Variants in POU3F3 observed in about 807,000 individuals in gnomAD.
POU3F3 encodes POU class 3 homeobox 3, also known as POU domain, class 3, transcription factor 3.
In POU3F3, 1 loss-of-function variant was observed where a neutral mutation model predicts 8.6. That is an observed-to-expected ratio of 0.12 (90% confidence interval 0.04 to 0.55). POU3F3 has a LOEUF of 0.55. Ranked by LOEUF, POU3F3 falls within the 20% of genes least tolerant of loss-of-function variation. The probability of loss-of-function intolerance (pLI) is 0.91; values close to 1 mark genes in which losing one functional copy is unlikely to be tolerated. For missense variants in POU3F3, 577 were observed against 690.7 expected (o/e 0.84, Z 1.84); for synonymous variants, 418 against 327.4 (o/e 1.28, Z -2.99).
In POU3F3 at chr2:104,856,077, GGCCGCCGCTGCCGCAGCCGCA is replaced by G. The variant is rs1251739786; in HGVS notation, c.576_596del (p.Ala198_Ala204del). 3.0e-6 allele frequency: 3 copies of G among 1,010,196 alleles called. No individual in the cohort carries two copies. The highest frequency in any genetic ancestry group is 1.8e-5 in the African/African-American group (1 of 54,968). The allele number at this position is 1,010,196 out of a possible 1,614,324, so 62.6% of individuals were successfully genotyped here. ...AGGGCCACCCTGGGGGCTGGGGGGC[GGCCGCCGCTGCCGCAGCCGCA>G]GCCGCCGCCGCCGCCGCCGCCGCGC... On this transcript the variant is annotated inframe_deletion, in exon 1 of 1. Coordinates refer to ENST00000361360, the MANE Select transcript of POU3F3 (RefSeq NM_006236.3).
the POU3F3 span, among the ~76,000 whole-genome samples, chr2:104,897,617 G>T: frequency 6.6e-6 from 1 of 152,162 alleles, no homozygotes. Context: ...GCCCATGTGG[G>T]GAACACAGAT....
chr2:104,880,307 C>G, the POU3F3 span, among the ~76,000 whole-genome samples: 10 of 152,308 alleles, frequency 6.6e-5, no homozygotes, highest in East Asian at 1.9e-3. Flanking sequence ...AATGCCCTCT[C>G]CAACGTTAGA....
chr2:104,869,118 C>T, the POU3F3 span, among the ~76,000 whole-genome samples: 2 of 152,348 alleles, frequency 1.3e-5, no homozygotes, highest in South Asian at 4.1e-4. Flanking sequence ...CCCTTTGGTG[C>T]CTCCCTAGGG....
In POU3F3 at chr2:104,856,705, A is replaced by G; in HGVS notation, c.1195A>G (p.Lys399Glu). Residue 399 changes from lysine (K) to glutamate (E), a missense_variant, in exon 1 of 1, where the codon AAG becomes GAG. Lys to Glu is a moderately conservative substitution (Grantham distance 56). This residue lies in a region of POU3F3 where 15 missense variants were observed against 17.1 expected (regional missense o/e 0.88). Coordinates refer to ENST00000361360, the MANE Select transcript of POU3F3 (RefSeq NM_006236.3). ...SSTGSPTSID[K>E]IAAQGRKRKK... ...CACCGGCAGCCCCACAAGCATCGAC[A>G]AGATCGCGGCGCAGGGCCGCAAGCG... is the stretch of plus-strand genomic sequence containing the variant. The G allele has an allele frequency of 6.2e-7, 1 of 1,614,064 alleles. No homozygotes were observed. The highest frequency in any genetic ancestry group is 8.5e-7 in the Non-Finnish European group (1 of 1,180,012).
At chr2:104,865,163 C>T in the POU3F3 span, among the ~76,000 whole-genome samples, 8 of 152,174 alleles carry the variant, frequency 5.3e-5, no homozygotes, top group Admixed American at 1.3e-4. Flanking sequence ...AGTTACCTGG[C>T]GAAACTGAGT....
the POU3F3 span, among the ~76,000 whole-genome samples, chr2:104,873,265 C>G: frequency 6.6e-6 from 1 of 152,218 alleles, no homozygotes; most frequent in African/African-American, 2.4e-5. Flanking sequence ...GACCCCTTTC[C>G]GCCCGCGCAC....
At chr2:104,923,838 A>T in the POU3F3 span, among the ~76,000 whole-genome samples, 1 of 152,212 alleles carries the variant, frequency 6.6e-6, no homozygotes, top group African/African-American at 2.4e-5. Context: ...ACGAGAAGAT[A>T]TTCTATACAA....
chr2:104,867,246 T>A, the POU3F3 span: 2 of 152,154 alleles, frequency 1.3e-5, no homozygotes, highest in African/African-American at 4.8e-5. This position sits in a 1 kb window ranked among gnomAD's most constrained non-coding sequence, Gnocchi z 5.0. Context: ...GAAAAGAATC[T>A]CGCAGAAGGG....
At chr2:104,884,534 A>G in the POU3F3 span, among the ~76,000 whole-genome samples, 16 of 152,316 alleles carry the variant, frequency 1.1e-4, no homozygotes, top group Non-Finnish European at 1.9e-4. Flanking sequence ...TGGTTTTCTG[A>G]GGAAGCCAGA....
downstream of POU3F3, among the ~76,000 whole-genome samples, chr2:104,859,183 TG>T: frequency 6.6e-6 from 1 of 152,338 alleles, no homozygotes; most frequent in East Asian, 1.9e-4. Context: ...ATCCTGATTA[TG>T]GTCCACACTG....
At chr2:104,927,397 AAGGGGGT>A in the POU3F3 span, among the ~76,000 whole-genome samples, 1 of 152,012 alleles carries the variant, frequency 6.6e-6, no homozygotes, top group African/African-American at 2.4e-5. Context: ...AGGGGGTAGA[AAGGGGGT>A]AGAGAGAGAA....
the POU3F3 span, among the ~76,000 whole-genome samples, chr2:104,914,400 T>G: frequency 6.6e-6 from 1 of 152,230 alleles, no homozygotes; most frequent in Non-Finnish European, 1.5e-5. Flanking sequence ...GGATAGGAGC[T>G]GATCATTTCT....
chr2:104,894,004 T>C, the POU3F3 span, among the ~76,000 whole-genome samples: 1 of 151,942 alleles, frequency 6.6e-6, no homozygotes, highest in Non-Finnish European at 1.5e-5. Flanking sequence ...TTGTATGAAA[T>C]TGCATAAATA....
chr2:104,896,062 A>G, the POU3F3 span, among the ~76,000 whole-genome samples: 1 of 152,202 alleles, frequency 6.6e-6, no homozygotes, highest in Non-Finnish European at 1.5e-5. Context: ...CCTGAGCGGC[A>G]GGGAGCAGGA....
the POU3F3 span, among the ~76,000 whole-genome samples, chr2:104,868,972 A>G: frequency 6.6e-6 from 1 of 152,334 alleles, no homozygotes; most frequent in Admixed American, 6.5e-5. Context: ...CGTGAACAAC[A>G]TTACATAAAC....
chr2:104,912,231 G>A, the POU3F3 span, among the ~76,000 whole-genome samples: 108,841 of 152,112 alleles, frequency 0.72, 40,120 homozygotes, highest in African/African-American at 0.9. Context: ...AGCGCATTGT[G>A]GGTGCTTGAC....
chr2:104,857,003 G>T lies in POU3F3; in HGVS notation c.1493G>T (p.Ser498Ile), dbSNP rs1309720413. 5 of 1,599,980 alleles carry T rather than the reference G, an allele frequency of 3.1e-6. No individual in the cohort carries two copies. Among genetic ancestry groups the T allele is most frequent in the Non-Finnish European group, 3.4e-6 (4 of 1,174,936 alleles). Residue 498 changes from serine to isoleucine, a missense_variant, in exon 1 of 1, where the codon AGC becomes ATC. This residue lies in a region of POU3F3 where 35 missense variants were observed against 50.3 expected (regional missense o/e 0.70). Coordinates refer to ENST00000361360, the MANE Select transcript of POU3F3 (RefSeq NM_006236.3). ...CCGCCTCACCACGGGCTGCAGACGA[G>T]CGTTCAGTGAAGCCAGGGCGCAGAG... ...TPPPHHGLQT[S>I]VQ is the part of the protein sequence containing the mutation.
chr2:104,910,975 G>T, the POU3F3 span, among the ~76,000 whole-genome samples: 39 of 152,186 alleles, frequency 2.6e-4, no homozygotes, highest in Non-Finnish European at 4.4e-4. Context: ...ATCTAGAGAC[G>T]ATTTAAAGTA....
rs1333141076 is a variant in POU3F3, at chr2:104,857,148, C to G, written c.*135C>G. ...CGCCGCGCCGACCCTGCACCTGGGC[C>G]GCTCCGGGCTCCAGCCCAGGCCCAT... On this transcript the variant is annotated 3_prime_UTR_variant, in exon 1 of 1. Coordinates refer to ENST00000361360, the MANE Select transcript of POU3F3 (RefSeq NM_006236.3). 3 of 911,116 alleles carry G rather than the reference C, an allele frequency of 3.3e-6. No homozygotes were observed. Among genetic ancestry groups the G allele is most frequent in the Non-Finnish European group, 3.9e-6 (3 of 763,082 alleles). The allele number at this position is 911,116 out of a possible 1,614,324, so 56.4% of individuals were successfully genotyped here.
Sources: gnomAD v4.1 joint callset for allele counts (sites outside exome capture counted in the v4.1 genomes callset) on GRCh38, gnomAD v4.1.1 for gene constraint, gnomAD v4.1.1 regional missense constraint, Gnocchi (gnomAD v3.1) non-coding constraint, MANE v1.5 for transcripts, NCBI Gene and HGNC (gene_info 2026-07-23, HGNC 2026-07-21) for gene names.